Variants in FBXL17 observed in about 807,000 individuals in gnomAD.
The protein encoded by FBXL17 is F-box and leucine rich repeat protein 17.
A neutral mutation model predicts 66.2 loss-of-function variants in FBXL17; 22 were observed. The ratio of observed to expected loss-of-function variants is 0.33; its 90% CI spans 0.24 to 0.47. FBXL17 has a LOEUF of 0.47. Among genes scored for constraint, FBXL17 ranks in the 20% least tolerant of loss-of-function variants. FBXL17 has a pLI of 1.00. For missense variants in FBXL17, 878 were observed against 948.2 expected, an observed-to-expected ratio of 0.93 and a Z score of 0.97; for synonymous variants, 474 against 400.5, an observed-to-expected ratio of 1.18 and a Z score of -2.19.
chr5:108,059,413 T>C (rs1483089412), intron 6 of FBXL17, among the ~76,000 whole-genome samples: 2 of 152,240 alleles, frequency 1.3e-5, no homozygotes, highest in Non-Finnish European at 2.9e-5. Flanking sequence ...GGCTCCAAGA[T>C]CATAAGATCT....
At chr5:108,143,003 A>ATAATAATAATAATAAT (rs58906146) in intron 6 of FBXL17, among the ~76,000 whole-genome samples, 1 of 150,964 alleles carries the variant, frequency 6.6e-6, no homozygotes, top group Admixed American at 6.6e-5. Context: ...AATAATAATA[A>ATAATAATAATAATAAT]AAGATTCTCA....
chr5:107,981,655 T>C (rs1475379799), intron 7 of FBXL17, among the ~76,000 whole-genome samples: 1 of 152,252 alleles, frequency 6.6e-6, no homozygotes, highest in East Asian at 1.9e-4. Context: ...GAAATCTCAG[T>C]TGGCTTTCGC....
At chr5:108,354,659 GCAAA>G (rs141262263) in intron 3 of FBXL17, among the ~76,000 whole-genome samples, 236 of 149,330 alleles carry the variant, frequency 1.6e-3, no homozygotes, top group African/African-American at 5.3e-3. Context: ...AAGGAAAACT[GCAAA>G]CAAACAAACA....
intron 5 of FBXL17, among the ~76,000 whole-genome samples, chr5:108,190,389 G>T (rs1753423322): frequency 6.6e-6 from 1 of 152,160 alleles, no homozygotes; most frequent in Non-Finnish European, 1.5e-5. Context: ...GAGACAGAGA[G>T]TCTGAGACAG....
At chr5:108,175,955 T>G (rs1015614056) in intron 6 of FBXL17, among the ~76,000 whole-genome samples, 1 of 152,224 alleles carries the variant, frequency 6.6e-6, no homozygotes, top group African/African-American at 2.4e-5. Flanking sequence ...ATTTTCACTA[T>G]TTACTGGGCT....
rs1748057634 is a variant in FBXL17, at chr5:107,859,388, C to CTTTT, written c.*2331_*2332insAAAA. The CTTTT allele has an allele frequency of 1.0e-4, 7 of 68,470 alleles. No homozygotes were observed. The highest frequency in any genetic ancestry group is 0.014 in the Middle Eastern group (1 of 70). 4.2% of individuals were successfully genotyped at this position (68,470 alleles called of 1,614,324 possible). On this transcript the variant is annotated 3_prime_UTR_variant, in exon 9 of 9. Transcript: ENST00000542267. ...CACTCAAGGTGATGCTTTTTTCTGG[C>CTTTT]TGTTTTTTTTTTTTTTTTTTTTTTT...
intron 6 of FBXL17, among the ~76,000 whole-genome samples, chr5:108,068,711 C>G (rs1404271864): frequency 2.0e-5 from 3 of 152,182 alleles, no homozygotes; most frequent in Non-Finnish European, 4.4e-5. Context: ...CCCGCCTCAG[C>G]CTCCAAAAGT....
At chr5:107,880,083 T>C (rs1175475064) in intron 8 of FBXL17, 2 of 259,110 alleles carry the variant, frequency 7.7e-6, no homozygotes, top group East Asian at 3.6e-4. Flanking sequence ...TTTTGTTTGT[T>C]TGGGACACAG....
At chr5:108,001,577 T>G (rs1753732478) in intron 7 of FBXL17, among the ~76,000 whole-genome samples, 1 of 152,118 alleles carries the variant, frequency 6.6e-6, no homozygotes, top group South Asian at 2.1e-4. Context: ...CTCGGCTCAC[T>G]ACAAGCTCCA....
At chr5:108,212,128 C>G (rs1347820801) in intron 5 of FBXL17, among the ~76,000 whole-genome samples, 1 of 152,156 alleles carries the variant, frequency 6.6e-6, no homozygotes, top group Non-Finnish European at 1.5e-5. Flanking sequence ...GCTATTGAAA[C>G]TTGCGTATGC....
intron 4 of FBXL17, among the ~76,000 whole-genome samples, chr5:108,256,799 T>C (rs2150120576): frequency 6.6e-6 from 1 of 152,118 alleles, no homozygotes; most frequent in South Asian, 2.1e-4. Context: ...TATTATTCCT[T>C]CTCCTTCCCT....
chr5:108,259,360 G>A (rs1756715405), intron 4 of FBXL17, among the ~76,000 whole-genome samples: 1 of 152,156 alleles, frequency 6.6e-6, no homozygotes, highest in Non-Finnish European at 1.5e-5. Flanking sequence ...AACTGAAATT[G>A]AGAATTGATT....
intron 7 of FBXL17, among the ~76,000 whole-genome samples, chr5:107,927,346 T>C (rs766226415): frequency 2.6e-5 from 4 of 152,174 alleles, no homozygotes; most frequent in East Asian, 1.9e-4. Context: ...GAGGGAAAAA[T>C]GCAATGGCTA....
chr5:108,275,533 A>C (rs906628754), intron 4 of FBXL17, among the ~76,000 whole-genome samples: 1 of 152,154 alleles, frequency 6.6e-6, no homozygotes, highest in Non-Finnish European at 1.5e-5. Flanking sequence ...ATGTTTTACT[A>C]TCTTTGCTAT....
At chr5:107,914,751 A>G (rs992021647) in intron 7 of FBXL17, among the ~76,000 whole-genome samples, 1 of 152,206 alleles carries the variant, frequency 6.6e-6, no homozygotes, top group African/African-American at 2.4e-5. Context: ...TTCTGCTACC[A>G]TAAGGAAAGT....
chr5:107,866,380 G>C (rs1244604273), intron 8 of FBXL17, among the ~76,000 whole-genome samples: 1 of 152,118 alleles, frequency 6.6e-6, no homozygotes. Flanking sequence ...CTCTTTTTAA[G>C]GTGGTAGCAA....
chr5:108,298,799 T>C (rs2150174357), intron 4 of FBXL17: 1 of 803,926 alleles, frequency 1.2e-6, no homozygotes, highest in East Asian at 1.3e-4. Context: ...TAATTTAGTG[T>C]ATACATATTT....
chr5:108,380,169 A>C (rs1330266948), intron 1 of FBXL17, among the ~76,000 whole-genome samples: 2 of 152,178 alleles, frequency 1.3e-5, no homozygotes, highest in Non-Finnish European at 2.9e-5. Context: ...TTCCTGTATA[A>C]AATAAAGATA....
chr5:108,092,049 C>T (rs188028915), intron 6 of FBXL17, among the ~76,000 whole-genome samples: 5 of 152,274 alleles, frequency 3.3e-5, no homozygotes, highest in African/African-American at 4.8e-5. Context: ...TTGGCGCTGT[C>T]CTGTAATCTG....
Sources: allele counts gnomAD v4.1 joint callset (sites outside exome capture counted in the v4.1 genomes callset), GRCh38; gene constraint gnomAD v4.1.1; transcripts MANE v1.5; gene names NCBI Gene and HGNC (gene_info 2026-07-23, HGNC 2026-07-21).